Variants in KHDRBS1 observed in about 807,000 individuals in gnomAD.
KHDRBS1 encodes the protein KH RNA binding domain containing, signal transduction associated 1.
Under a neutral mutation model 48.4 loss-of-function variants are expected in KHDRBS1, and 7 were observed. That is an observed-to-expected ratio of 0.14 (90% confidence interval 0.08 to 0.27). The LOEUF is 0.27. Ranked by LOEUF, KHDRBS1 falls within the 10% of genes least tolerant of loss-of-function variation. The pLI is 1.00. For missense variants in KHDRBS1, 458 were observed against 601.2 expected (o/e 0.76, Z 2.49); for synonymous variants, 241 against 235.8 (o/e 1.02, Z -0.20).
intron 10 of KHDRBS1, among the ~76,000 whole-genome samples, chr1:32,053,531 C>T (rs1049288806): frequency 6.6e-6 from 1 of 152,110 alleles, no homozygotes; most frequent in Admixed American, 6.5e-5. Context: ...GCTAGGACTA[C>T]AGGCATGGGC....
chr1:32,038,075 G>T, intron 6 of KHDRBS1, 39 bp downstream of exon 6: 1 of 1,608,358 alleles, frequency 6.2e-7, no homozygotes, highest in African/African-American at 1.3e-5. Context: ...CCAGTACCTA[G>T]AAGGCTGCTA....
chr1:32,038,214 G>A (rs1257517683), intron 6 of KHDRBS1, 178 bp downstream of exon 6: 1 of 955,760 alleles, frequency 1.0e-6, no homozygotes, highest in Non-Finnish European at 1.5e-6. Flanking sequence ...TTTAGGCAGG[G>A]TTTTACTATA....
At chr1:32,021,697 A>G (rs1214542701) in intron 1 of KHDRBS1, among the ~76,000 whole-genome samples, 2 of 152,060 alleles carry the variant, frequency 1.3e-5, no homozygotes, top group African/African-American at 4.8e-5. Flanking sequence ...GCTCACTGCA[A>G]CCTCTGCTTC....
chr1:32,046,952 T>G (rs1639364855), downstream of KHDRBS1, among the ~76,000 whole-genome samples: 1 of 152,146 alleles, frequency 6.6e-6, no homozygotes, highest in South Asian at 2.1e-4. Flanking sequence ...TGCAGAGAAT[T>G]TAGTCTCAAC....
At chr1:32,018,184 G>T (rs1638780988) in intron 1 of KHDRBS1, among the ~76,000 whole-genome samples, 1 of 152,168 alleles carries the variant, frequency 6.6e-6, no homozygotes, top group Non-Finnish European at 1.5e-5. Context: ...ATAAGGGCCG[G>T]GCCTGGTGGC....
chr1:32,014,974 A>G (rs984594867), intron 1 of KHDRBS1, among the ~76,000 whole-genome samples: 1 of 152,220 alleles, frequency 6.6e-6, no homozygotes, highest in African/African-American at 2.4e-5. Flanking sequence ...TTTCCGAATC[A>G]GATTTCCGAC....
At chr1:32,044,541 G>A (rs187878672), downstream of KHDRBS1, among the ~76,000 whole-genome samples, 5 of 152,172 alleles carry the variant, frequency 3.3e-5, no homozygotes, top group Non-Finnish European at 5.9e-5. Context: ...TAAACTGCTC[G>A]GGGGTGAAAA....
At chr1:32,016,874 A>G (rs958148802) in intron 1 of KHDRBS1, among the ~76,000 whole-genome samples, 2 of 152,176 alleles carry the variant, frequency 1.3e-5, no homozygotes, top group Admixed American at 6.5e-5. Flanking sequence ...TGTATCTTCT[A>G]TGCCTTGAAG....
intron 1 of KHDRBS1, among the ~76,000 whole-genome samples, chr1:32,019,588 T>C (rs990004691): frequency 6.6e-6 from 1 of 151,982 alleles, no homozygotes; most frequent in Middle Eastern, 3.2e-3. Flanking sequence ...GCAGTGAAAA[T>C]GGATGAACTA....
chr1:32,031,853 C>G (rs926582521), intron 3 of KHDRBS1, among the ~76,000 whole-genome samples: 2 of 152,130 alleles, frequency 1.3e-5, no homozygotes, highest in African/African-American at 2.4e-5. Flanking sequence ...TGATAGTTTT[C>G]TTTTGGACTT....
chr1:32,049,610 A>G (rs1260647383), intron 10 of KHDRBS1, among the ~76,000 whole-genome samples: 1 of 151,816 alleles, frequency 6.6e-6, no homozygotes, highest in Non-Finnish European at 1.5e-5. Flanking sequence ...GTATATACCT[A>G]GAAGAATTTC....
intron 3 of KHDRBS1, 108 bp downstream of exon 3, chr1:32,031,748 T>C: frequency 1.6e-6 from 1 of 633,448 alleles, no homozygotes; most frequent in Non-Finnish European, 2.7e-6. Flanking sequence ...GTGTACAGAA[T>C]GTGGCTCCTT....
At chr1:32,032,161 T>TC (rs1457507580) in intron 3 of KHDRBS1, among the ~76,000 whole-genome samples, 1 of 152,164 alleles carries the variant, frequency 6.6e-6, no homozygotes, top group Non-Finnish European at 1.5e-5. Context: ...ATCTAATGCG[T>TC]CTTTTTTTTC....
At chr1:32,017,222 C>T (rs1458041773) in intron 1 of KHDRBS1, among the ~76,000 whole-genome samples, 2 of 151,004 alleles carry the variant, frequency 1.3e-5, no homozygotes, top group African/African-American at 4.9e-5. Context: ...TGCACCATTG[C>T]ACTCCAGCCT....
chr1:32,055,553 C>G (rs1440880503), intron 10 of KHDRBS1, among the ~76,000 whole-genome samples: 1 of 152,122 alleles, frequency 6.6e-6, no homozygotes, highest in Admixed American at 6.5e-5. Context: ...TTAAAGCTAG[C>G]AAGCATCTGA....
intron 1 of KHDRBS1, among the ~76,000 whole-genome samples, chr1:32,016,417 A>C (rs1029310049): frequency 3.3e-5 from 5 of 151,966 alleles, no homozygotes; most frequent in African/African-American, 9.7e-5. Flanking sequence ...CAGTCTACAC[A>C]CCTTCCCCGT....
chr1:32,040,558 C>T (rs1639263946), intron 8 of KHDRBS1, among the ~76,000 whole-genome samples: 1 of 152,214 alleles, frequency 6.6e-6, no homozygotes, highest in African/African-American at 2.4e-5. Context: ...GAGGCTGCAA[C>T]AGCAGCAGGA....
At chr1:32,030,902 G>C (rs1391054390) in intron 2 of KHDRBS1, among the ~76,000 whole-genome samples, 1 of 151,188 alleles carries the variant, frequency 6.6e-6, no homozygotes, top group African/African-American at 2.4e-5. Flanking sequence ...TTATCAAAGG[G>C]TGCTATATAG....
At position 32,039,434 on chromosome 1, in the gene KHDRBS1, G is replaced by T; in HGVS notation, c.1176-81G>T. The T allele has an allele frequency of 3.8e-6, 3 of 779,594 alleles. No individual in the cohort carries two copies. The South Asian group carries it at 4.1e-5, about 11-fold the overall frequency. 48.3% of individuals were successfully genotyped at this position (779,594 alleles called of 1,614,324 possible). On this transcript the variant is annotated intron_variant, in intron 7 of 8. Transcript: ENST00000327300. Reference sequence around the variant, plus strand: ...CCTGTATTAATACACTTAGTAAAATGACTGACTTATGGAAGTATTTGAGAG... The same window carrying T: ...CCTGTATTAATACACTTAGTAAAATTACTGACTTATGGAAGTATTTGAGAG...
Sources: allele counts gnomAD v4.1 joint callset (sites outside exome capture counted in the v4.1 genomes callset), GRCh38; gene constraint gnomAD v4.1.1; transcripts MANE v1.5; gene names NCBI Gene and HGNC (gene_info 2026-07-23, HGNC 2026-07-21).